Variants in EXT1 observed in about 807,000 individuals in gnomAD.
The protein encoded by EXT1 is exostosin-1.
EXT1 carries 20 observed loss-of-function variants against 82.5 expected under a neutral mutation model. The observed-to-expected ratio is 0.24, with a 90% CI of 0.17 to 0.35. The LOEUF is 0.35. Among genes scored for constraint, EXT1 ranks in the 10% least tolerant of loss-of-function variants. The pLI is 1.00. For missense variants in EXT1, 757 were observed against 936.5 expected, an observed-to-expected ratio of 0.81 and a Z score of 2.50; for synonymous variants, 348 against 350.8, an observed-to-expected ratio of 0.99 and a Z score of 0.09.
At chr8:117,835,656 T>C in intron 2 of EXT1, 105 bp from the exon 3 acceptor site, 1 of 845,144 alleles carries the variant, frequency 1.2e-6, no homozygotes, top group Non-Finnish European at 2.0e-6. Flanking sequence ...TTTTTGACAC[T>C]GCATGAATCC....
chr8:117,833,619 A>G (rs1242719439), intron 3 of EXT1, among the ~76,000 whole-genome samples: 1 of 152,074 alleles, frequency 6.6e-6, no homozygotes, highest in Non-Finnish European at 1.5e-5. Flanking sequence ...CATCTCAAAA[A>G]AAAAAAAGAA....
chr8:118,009,116 T>C (rs745552949), intron 1 of EXT1, among the ~76,000 whole-genome samples: 4 of 152,110 alleles, frequency 2.6e-5, no homozygotes, highest in South Asian at 2.1e-4. Flanking sequence ...GGGACAGAGG[T>C]TGAAGGTGTC....
intron 1 of EXT1, among the ~76,000 whole-genome samples, chr8:117,898,434 GA>G (rs760336360): frequency 3.2e-4 from 49 of 152,218 alleles, no homozygotes; most frequent in Non-Finnish European, 6.9e-4. Flanking sequence ...CTAGGGACTT[GA>G]AAGCATGAAA....
chr8:117,838,590 T>C (rs1812223650), intron 1 of EXT1, among the ~76,000 whole-genome samples: 1 of 151,976 alleles, frequency 6.6e-6, no homozygotes, highest in Non-Finnish European at 1.5e-5. Context: ...AATTGCAAAA[T>C]AGACTTCAAA....
chr8:118,039,805 G>A (rs866361531), intron 1 of EXT1, among the ~76,000 whole-genome samples: 1 of 152,082 alleles, frequency 6.6e-6, no homozygotes, highest in Non-Finnish European at 1.5e-5. Flanking sequence ...TACTGACTGA[G>A]CAGGCCTGAT....
At position 117,818,545 on chromosome 8, in the gene EXT1, G is replaced by A; in HGVS notation, c.1537-15C>T. 1 of 1,600,550 alleles carries A rather than the reference G, an allele frequency of 6.2e-7. No individual in the cohort carries two copies. The highest frequency in any genetic ancestry group is 1.1e-5 in the South Asian group (1 of 90,750). ...AGAACTATGATCTGAAAGGGATGGG[G>A]CTCATTAGATGGCTGGGGTAGGATG... On this transcript the variant is annotated splice_polypyrimidine_tract_variant and intron_variant, in intron 6 of 10. Transcript: ENST00000378204.
chr8:118,103,278 C>A (rs1817754992), intron 1 of EXT1, among the ~76,000 whole-genome samples: 2 of 152,210 alleles, frequency 1.3e-5, no homozygotes, highest in African/African-American at 4.8e-5. Flanking sequence ...TCCCAAGTAG[C>A]TGGGACTACA....
At position 117,799,420 on chromosome 8, in the gene EXT1, A is replaced by T. The variant is rs930250167; in HGVS notation, c.*292T>A. 8 of 391,282 alleles carry T rather than the reference A, an allele frequency of 2.0e-5. No homozygotes were observed. The highest frequency in any genetic ancestry group is 3.7e-5 in the Non-Finnish European group (8 of 214,566). 24.2% of individuals were successfully genotyped at this position (391,282 alleles called of 1,614,324 possible). A position where few individuals can be genotyped will look rare whatever the true frequency, so the allele number is the denominator to read the frequency against. ...AGTTTTGATCATTAAAAAAGTTTAAACCTGCATAGCAATCATTTCAAAAAT... is the reference window on the plus strand; with the variant it reads ...AGTTTTGATCATTAAAAAAGTTTAATCCTGCATAGCAATCATTTCAAAAAT... On this transcript the variant is annotated 3_prime_UTR_variant, in exon 11 of 11. Transcript: ENST00000378204.
chr8:117,933,091 G>A (rs1328033170), intron 1 of EXT1, among the ~76,000 whole-genome samples: 3 of 152,202 alleles, frequency 2.0e-5, no homozygotes, highest in Non-Finnish European at 4.4e-5. Flanking sequence ...TCCCAAGACT[G>A]GCTCTATGCT....
intron 1 of EXT1, among the ~76,000 whole-genome samples, chr8:118,043,564 C>T (rs896716744): frequency 6.6e-6 from 1 of 152,216 alleles, no homozygotes; most frequent in Non-Finnish European, 1.5e-5. Flanking sequence ...GCTGCCTTAG[C>T]ATCATGTCCA....
intron 1 of EXT1, among the ~76,000 whole-genome samples, chr8:118,094,893 T>C (rs1338504288): frequency 1.3e-5 from 2 of 152,232 alleles, no homozygotes; most frequent in African/African-American, 4.8e-5. Flanking sequence ...AGAGTTAAAC[T>C]AGATTTTAGG....
At chr8:118,035,899 A>G (rs1816410273) in intron 1 of EXT1, among the ~76,000 whole-genome samples, 1 of 152,242 alleles carries the variant, frequency 6.6e-6, no homozygotes, top group Non-Finnish European at 1.5e-5. Flanking sequence ...AATTCATATG[A>G]GAACAGATTC....
At chr8:117,983,690 G>T (rs1342752049) in intron 1 of EXT1, among the ~76,000 whole-genome samples, 1 of 152,132 alleles carries the variant, frequency 6.6e-6, no homozygotes, top group African/African-American at 2.4e-5. Context: ...CATTTTAATA[G>T]AATCTTTTAG....
chr8:118,095,185 A>G (rs1817587800), intron 1 of EXT1, among the ~76,000 whole-genome samples: 1 of 152,200 alleles, frequency 6.6e-6, no homozygotes, highest in Admixed American at 6.5e-5. Context: ...GCTTATTTTC[A>G]TAGAAACCTA....
rs1812779946 is a variant in EXT1, at chr8:117,866,770, G to C, written c.963-29569C>G. Among the ~76,000 whole-genome samples, 3 of 142,336 alleles carry C rather than the reference G, an allele frequency of 2.1e-5. No individual in the cohort carries two copies. The Admixed American group carries it at 2.2e-4, about 10-fold the overall frequency. 93.4% of individuals were successfully genotyped at this position (142,336 alleles called of 152,430 possible). On this transcript the variant is annotated intron_variant, in intron 1 of 10. Transcript: ENST00000378204. ...TTCAGGTTGTATGAATCTTTGTCTA[G>C]GAATTTGCTTCCCTGGCCTACCCAA...
chr8:117,849,873 C>T (rs887267496), intron 1 of EXT1, among the ~76,000 whole-genome samples: 12 of 152,308 alleles, frequency 7.9e-5, no homozygotes, highest in East Asian at 1.9e-4. Flanking sequence ...CTTTTCTTTG[C>T]GTCCCAAATT....
chr8:118,031,141 T>C lies in EXT1; in HGVS notation c.962+78944A>G, dbSNP rs144490298. Among the ~76,000 whole-genome samples, 230 of 152,244 alleles carry C rather than the reference T, an allele frequency of 1.5e-3. 2 individuals carry two copies. Among genetic ancestry groups the C allele is most frequent in the African/African-American group, 4.9e-3 (205 of 41,546 alleles). On this transcript the variant is annotated intron_variant, in intron 1 of 10. Coordinates refer to ENST00000378204, the MANE Select transcript of EXT1 (RefSeq NM_000127.3). The stretch of plus-strand genomic sequence containing the variant: ...GATGGGGTGTGGGGGGAACAGCTGC[T>C]CCTCGGCTCCAGCTAAGTGCCATTG...
chr8:117,962,653 T>A (rs1814724066), intron 1 of EXT1, among the ~76,000 whole-genome samples: 1 of 152,092 alleles, frequency 6.6e-6, no homozygotes, highest in African/African-American at 2.4e-5. Context: ...CTTGGGAGGC[T>A]GAGGCAGGAG....
At chr8:117,954,166 C>T (rs1814544787) in intron 1 of EXT1, among the ~76,000 whole-genome samples, 1 of 152,190 alleles carries the variant, frequency 6.6e-6, no homozygotes, top group African/African-American at 2.4e-5. Flanking sequence ...GTTTGCTTGA[C>T]CCGCGACTAA....
Sources: allele counts gnomAD v4.1 joint callset (sites outside exome capture counted in the v4.1 genomes callset), GRCh38; gene constraint gnomAD v4.1.1; transcripts MANE v1.5; gene names NCBI Gene and HGNC (gene_info 2026-07-23, HGNC 2026-07-21).